The following ZNF565 variants were observed in gnomAD, a reference collection of about 807,000 sequenced individuals.
ZNF565 encodes the protein zinc finger protein 565.
A neutral mutation model predicts 39.4 loss-of-function variants in ZNF565; 27 were observed. The ratio of observed to expected loss-of-function variants is 0.69; its 90% CI spans 0.51 to 0.95. The LOEUF is 0.95. Ranked by LOEUF, ZNF565 falls within the 40% of genes least tolerant of loss-of-function variation. The probability of loss-of-function intolerance (pLI) is 0.00; values close to 1 mark genes in which losing one functional copy is unlikely to be tolerated. For synonymous variants in ZNF565, 185 were observed against 216.6 expected, an observed-to-expected ratio of 0.85 and a Z score of 1.28; for missense variants, 524 against 621.1, an observed-to-expected ratio of 0.84 and a Z score of 1.66.
chr19:36,244,575 G>A (rs887296531), intron 1 of ZNF565, among the ~76,000 whole-genome samples: 2 of 151,832 alleles, frequency 1.3e-5, no homozygotes, highest in Non-Finnish European at 2.9e-5. Flanking sequence ...AAAGGAGGCT[G>A]GGCACGCTGG....
At chr19:36,193,217 T>G (rs1249277500) in intron 4 of ZNF565, among the ~76,000 whole-genome samples, 4 of 151,270 alleles carry the variant, frequency 2.6e-5, no homozygotes, top group Non-Finnish European at 5.9e-5. Context: ...TCTCCTGACC[T>G]CGTGATCCGC....
At chr19:36,185,543 C>T (rs920241866) in intron 4 of ZNF565, among the ~76,000 whole-genome samples, 1 of 151,898 alleles carries the variant, frequency 6.6e-6, no homozygotes, top group Non-Finnish European at 1.5e-5. Context: ...ATTGAACATT[C>T]TCCCCTTTCC....
chr19:36,233,584 AG>A (rs1307993179), intron 1 of ZNF565, among the ~76,000 whole-genome samples: 1 of 152,190 alleles, frequency 6.6e-6, no homozygotes, highest in Non-Finnish European at 1.5e-5. Flanking sequence ...GGGATGTGGC[AG>A]GACAATAGGG....
chr19:36,240,461 C>T (rs1342139936), intron 1 of ZNF565, among the ~76,000 whole-genome samples: 1 of 152,106 alleles, frequency 6.6e-6, no homozygotes, highest in African/African-American at 2.4e-5. Context: ...GGAGACAGAT[C>T]AGTGGGAAGA....
chr19:36,237,499 A>C (rs2145472604), intron 1 of ZNF565: 1 of 651,526 alleles, frequency 1.5e-6, no homozygotes, highest in Non-Finnish European at 2.5e-6. Context: ...TATGATTAAA[A>C]CCCTGTGTCC....
chr19:36,241,399 G>T (rs920676095), intron 1 of ZNF565, among the ~76,000 whole-genome samples: 1 of 150,908 alleles, frequency 6.6e-6, no homozygotes, highest in Admixed American at 6.7e-5. Context: ...CAGGAGAATC[G>T]CTTGAACCCA....
chr19:36,193,208 C>T (rs1255842722), intron 4 of ZNF565, among the ~76,000 whole-genome samples: 2 of 151,878 alleles, frequency 1.3e-5, no homozygotes, highest in Non-Finnish European at 2.9e-5. Flanking sequence ...TGGTCTCGAT[C>T]TCCTGACCTC....
At chr19:36,218,378 CAAA>C (rs368784054), upstream of ZNF565, among the ~76,000 whole-genome samples, 171 of 150,832 alleles carry the variant, frequency 1.1e-3, 1 homozygote, top group African/African-American at 3.7e-3. Flanking sequence ...TTACTAGCTG[CAAA>C]AAAAATGCTT....
chr19:36,223,752 G>A (rs955423514), intron 1 of ZNF565, among the ~76,000 whole-genome samples: 3 of 151,570 alleles, frequency 2.0e-5, no homozygotes, highest in African/African-American at 7.3e-5. Context: ...GTTTTTTGTT[G>A]TTTGATTGTT....
At chr19:36,232,372 C>G (rs957560901) in intron 1 of ZNF565, among the ~76,000 whole-genome samples, 8 of 151,634 alleles carry the variant, frequency 5.3e-5, no homozygotes, top group African/African-American at 1.5e-4. Context: ...TGCCTTTTTT[C>G]CTCTTCCCTC....
intron 1 of ZNF565, chr19:36,236,234 T>C: frequency 1.8e-6 from 1 of 549,532 alleles, no homozygotes; most frequent in Admixed American, 3.8e-5. Context: ...TTAGAAAATT[T>C]TTCTAGAGAG....
At chr19:36,187,178 G>A (rs1036260794) in intron 4 of ZNF565, among the ~76,000 whole-genome samples, 4 of 148,728 alleles carry the variant, frequency 2.7e-5, no homozygotes, top group Admixed American at 6.7e-5. Flanking sequence ...AAACAGGAGC[G>A]AAACTCCATC....
chr19:36,191,314 CT>C (rs768603825), intron 4 of ZNF565, among the ~76,000 whole-genome samples: 14,514 of 124,956 alleles, frequency 0.12, 986 homozygotes, highest in African/African-American at 0.23. Context: ...ATTTTTCTTT[CT>C]TTTTTTTTTT....
upstream of ZNF565, among the ~76,000 whole-genome samples, chr19:36,217,019 G>A (rs950380133): frequency 2.7e-5 from 4 of 149,776 alleles, no homozygotes; most frequent in Admixed American, 1.3e-4. Flanking sequence ...AGATCCTGGC[G>A]ACAGCATTCC....
At chr19:36,195,823 C>T (rs181175420) in intron 2 of ZNF565, among the ~76,000 whole-genome samples, 69 of 150,184 alleles carry the variant, frequency 4.6e-4, no homozygotes, top group African/African-American at 1.6e-3. Context: ...GGATTACATG[C>T]GTGAGCCCCG....
At chr19:36,230,670 G>C (rs1977302158) in intron 1 of ZNF565, among the ~76,000 whole-genome samples, 2 of 152,194 alleles carry the variant, frequency 1.3e-5, no homozygotes, top group Admixed American at 1.3e-4. Context: ...ATAGTGATCA[G>C]GGCCGTGGGC....
upstream of ZNF565, among the ~76,000 whole-genome samples, chr19:36,216,065 T>C (rs892772500): frequency 6.6e-6 from 1 of 152,196 alleles, no homozygotes; most frequent in Non-Finnish European, 1.5e-5. Flanking sequence ...GTCATTGACA[T>C]AGTTTTAAAT....
At chr19:36,234,558 C>T (rs1016797565) in intron 1 of ZNF565, among the ~76,000 whole-genome samples, 11 of 152,232 alleles carry the variant, frequency 7.2e-5, no homozygotes, top group African/African-American at 2.2e-4. Context: ...CCACCACGCC[C>T]GGCTAATTTT....
At chr19:36,186,398 T>C (rs149758240) in intron 4 of ZNF565, among the ~76,000 whole-genome samples, 3 of 152,346 alleles carry the variant, frequency 2.0e-5, no homozygotes, top group African/African-American at 7.2e-5. Context: ...TTTGTTGTAA[T>C]TAGATTTTCA....
Sources: allele counts gnomAD v4.1 joint callset (sites outside exome capture counted in the v4.1 genomes callset), GRCh38; gene constraint gnomAD v4.1.1; transcripts MANE v1.5; gene names NCBI Gene and HGNC (gene_info 2026-07-23, HGNC 2026-07-21).